Variants in GFRA2 observed in about 807,000 individuals in gnomAD.
The protein encoded by GFRA2 is GDNF family receptor alpha 2.
Under a neutral mutation model 48.3 loss-of-function variants are expected in GFRA2, and 17 were observed. The observed-to-expected ratio is 0.35, with a 90% CI of 0.24 to 0.53. GFRA2 has a LOEUF of 0.53. Among genes scored for constraint, GFRA2 ranks in the 20% least tolerant of loss-of-function variants. The pLI, the probability that GFRA2 is intolerant of heterozygous loss-of-function variation, is 0.93. For missense variants in GFRA2, 660 were observed against 637.3 expected, an observed-to-expected ratio of 1.04 and a Z score of -0.38; for synonymous variants, 305 against 257.2, an observed-to-expected ratio of 1.19 and a Z score of -1.78.
rs534633269 is a variant in GFRA2 at position 21,716,960 on chromosome 8, C to A, written c.795-10919G>T. Among the ~76,000 whole-genome samples, 4 of 152,320 alleles carry A rather than the reference C, an allele frequency of 2.6e-5. No individual in the cohort carries two copies. The South Asian group carries it at 6.2e-4, about 24-fold the overall frequency. On this transcript the variant is annotated intron_variant, in intron 4 of 8. Coordinates refer to ENST00000524240, the MANE Select transcript of GFRA2 (RefSeq NM_001495.5). ...GCTGCTGGCTCATTCTTCTGAGCAG[C>A]CTGCTCGGTCTTGTCCTTCAAAGTG...
intron 3 of GFRA2, among the ~76,000 whole-genome samples, chr8:21,758,432 A>G (rs1443033537): frequency 1.3e-5 from 2 of 152,090 alleles, no homozygotes; most frequent in Non-Finnish European, 2.9e-5. Context: ...TTCCCAGCCA[A>G]TGGGGACCCA....
chr8:21,807,696 CT>C (rs761298837), intron 1 of GFRA2, among the ~76,000 whole-genome samples: 5 of 152,118 alleles, frequency 3.3e-5, no homozygotes, highest in Non-Finnish European at 5.9e-5. Flanking sequence ...CCAAATTCCT[CT>C]TCTTATAAGA....
chr8:21,794,713 C>T (rs1807637579), intron 2 of GFRA2, among the ~76,000 whole-genome samples: 1 of 152,142 alleles, frequency 6.6e-6, no homozygotes, highest in Admixed American at 6.5e-5. Flanking sequence ...TGAGCTTTTC[C>T]AGCCCCTACC....
intron 4 of GFRA2, among the ~76,000 whole-genome samples, chr8:21,728,749 T>C (rs962342051): frequency 1.3e-5 from 2 of 152,240 alleles, no homozygotes; most frequent in Non-Finnish European, 2.9e-5. Flanking sequence ...CCTTAAAATC[T>C]CTAATCCTGC....
At chr8:21,698,982 C>T (rs1413671168) in intron 7 of GFRA2, among the ~76,000 whole-genome samples, 1 of 152,210 alleles carries the variant, frequency 6.6e-6, no homozygotes, top group Non-Finnish European at 1.5e-5. Context: ...CCAGTCAACG[C>T]ACTCTCTCCC....
At chr8:21,784,486 G>GC (rs1178138219) in intron 1 of GFRA2, among the ~76,000 whole-genome samples, 2 of 152,190 alleles carry the variant, frequency 1.3e-5, no homozygotes, top group African/African-American at 4.8e-5. Flanking sequence ...CCCCCGGGAG[G>GC]CCCTGCTCAG....
At chr8:21,738,167 A>C (rs1258366670) in intron 4 of GFRA2, among the ~76,000 whole-genome samples, 131 of 3,718 alleles carry the variant, frequency 0.035, no homozygotes, top group African/African-American at 0.083. Flanking sequence ...CCCCCTCCTC[A>C]TCCCCCTCCC....
At chr8:21,739,076 G>A (rs80340397) in intron 4 of GFRA2, among the ~76,000 whole-genome samples, 2,682 of 152,294 alleles carry the variant, frequency 0.018, 72 homozygotes, top group African/African-American at 0.06. Context: ...GCACCCCCAT[G>A]GATGGAGGGA....
intron 4 of GFRA2, among the ~76,000 whole-genome samples, chr8:21,744,323 G>A (rs1003430610): frequency 3.9e-5 from 6 of 152,182 alleles, no homozygotes; most frequent in African/African-American, 1.4e-4. Context: ...AAAGGGCCCA[G>A]GTTGCCAGGG....
intron 2 of GFRA2, among the ~76,000 whole-genome samples, chr8:21,782,267 C>G (rs1180843803): frequency 6.6e-6 from 1 of 151,360 alleles, no homozygotes; most frequent in Non-Finnish European, 1.5e-5. Flanking sequence ...TGCTCCTACC[C>G]AACCCCTGCT....
intron 4 of GFRA2, among the ~76,000 whole-genome samples, chr8:21,733,835 T>C (rs898192550): frequency 3.3e-5 from 5 of 152,112 alleles, no homozygotes; most frequent in Non-Finnish European, 5.9e-5. Context: ...GCCGAGATGA[T>C]TGTCTGGCAG....
chr8:21,729,581 C>T (rs921982731), intron 4 of GFRA2, among the ~76,000 whole-genome samples: 11 of 152,148 alleles, frequency 7.2e-5, no homozygotes, highest in African/African-American at 2.7e-4. Flanking sequence ...TTAAAGAAGA[C>T]GGCAGTTTCC....
chr8:21,767,395 C>T (rs1049489696), intron 3 of GFRA2, among the ~76,000 whole-genome samples: 7 of 152,364 alleles, frequency 4.6e-5, no homozygotes, highest in African/African-American at 1.7e-4. Flanking sequence ...GGCACACACA[C>T]GTGTTCCCGT....
chr8:21,741,932 A>AAAAGAAAG (rs568674453), intron 4 of GFRA2, among the ~76,000 whole-genome samples: 16 of 148,742 alleles, frequency 1.1e-4, no homozygotes, highest in African/African-American at 3.4e-4. Context: ...AAAAAAAAAA[A>AAAAGAAAG]AAAGAAAGAA....
chr8:21,747,949 C>T (rs1263704362), intron 4 of GFRA2, among the ~76,000 whole-genome samples: 1 of 152,092 alleles, frequency 6.6e-6, no homozygotes. Flanking sequence ...TCACATCCTA[C>T]TTCCTTTGCC....
At position 21,750,074 on chromosome 8, in the gene GFRA2, T is replaced by A. The variant is rs1209191806; in HGVS notation, c.794+514A>T. Reference sequence around the variant, plus strand: ...GTAAGTATATATATGTGTATATATGTGTGTGTGTGTGTATACACACACACA... The same window carrying A: ...GTAAGTATATATATGTGTATATATGAGTGTGTGTGTGTATACACACACACA... On this transcript the variant is annotated intron_variant, in intron 4 of 8. Transcript: ENST00000524240. The surrounding 1 kb of genome is among the most constrained non-coding windows in gnomAD (Gnocchi z 5.7). Among the ~76,000 whole-genome samples, 1 of 103,854 alleles carries A rather than the reference T, an allele frequency of 9.6e-6. No homozygotes were observed. The highest frequency in any genetic ancestry group is 2.0e-5 in the Non-Finnish European group (1 of 51,212). 68.1% of individuals were successfully genotyped at this position (103,854 alleles called of 152,430 possible). A position where few individuals can be genotyped will look rare whatever the true frequency, so the allele number is the denominator to read the frequency against.
chr8:21,760,397 C>T (rs890747673), intron 3 of GFRA2, among the ~76,000 whole-genome samples: 2 of 152,108 alleles, frequency 1.3e-5, no homozygotes, highest in Non-Finnish European at 2.9e-5. Flanking sequence ...AATGTGAACC[C>T]ATTCTGCATA....
chr8:21,753,983 C>A (rs940031312), intron 3 of GFRA2, among the ~76,000 whole-genome samples: 9 of 152,224 alleles, frequency 5.9e-5, no homozygotes, highest in Admixed American at 1.3e-4. Context: ...TCTCTCCCTC[C>A]CCACCACAGC....
At chr8:21,695,098 C>A (rs377232930) in intron 7 of GFRA2, among the ~76,000 whole-genome samples, 7 of 152,196 alleles carry the variant, frequency 4.6e-5, no homozygotes, top group Admixed American at 1.3e-4. Context: ...TATCTGGCAA[C>A]TGCACCAGCC....
Sources: gnomAD v4.1 joint callset for allele counts (sites outside exome capture counted in the v4.1 genomes callset) on GRCh38, gnomAD v4.1.1 for gene constraint, Gnocchi (gnomAD v3.1) non-coding constraint, MANE v1.5 for transcripts, NCBI Gene and HGNC (gene_info 2026-07-23, HGNC 2026-07-21) for gene names.